Variants in ALK observed in about 807,000 individuals in gnomAD.
ALK encodes ALK receptor tyrosine kinase.
ALK carries 74 observed loss-of-function variants against 163.1 expected under a neutral mutation model. The observed-to-expected ratio is 0.45, with a 90% confidence interval of 0.38 to 0.55. The LOEUF (loss-of-function observed/expected upper bound fraction) is 0.55. ALK is among the 20% of genes least tolerant of loss of function. The pLI is 0.00. For missense variants in ALK, 2,063 were observed against 2,105.3 expected, an observed-to-expected ratio of 0.98 and a Z score of 0.39; for synonymous variants, 960 against 843.2, an observed-to-expected ratio of 1.14 and a Z score of -2.40.
chr2:29,540,578 A>AGTT (rs1673386056), intron 3 of ALK, among the ~76,000 whole-genome samples: 1 of 100,582 alleles, frequency 9.9e-6, no homozygotes, highest in African/African-American at 3.9e-5. Context: ...GAGAAGAATT[A>AGTT]TGTTTTTTTT....
At chr2:29,537,116 C>A (rs1380943103) in intron 3 of ALK, among the ~76,000 whole-genome samples, 3 of 152,204 alleles carry the variant, frequency 2.0e-5, no homozygotes, top group African/African-American at 7.2e-5. Flanking sequence ...AGGAAAAGAA[C>A]TTTTTCAGGG....
chr2:29,292,236 A>T (rs965412916), intron 9 of ALK, among the ~76,000 whole-genome samples: 4 of 152,228 alleles, frequency 2.6e-5, no homozygotes, highest in Non-Finnish European at 4.4e-5. Flanking sequence ...TTGACTGTAC[A>T]ATTGCAGTGA....
At chr2:29,561,627 C>G (rs1674025567) in intron 3 of ALK, among the ~76,000 whole-genome samples, 1 of 152,176 alleles carries the variant, frequency 6.6e-6, no homozygotes, top group African/African-American at 2.4e-5. Context: ...GTGATCTGTG[C>G]TAAAATAATG....
chr2:29,223,608 C>G (rs1669871207), intron 19 of ALK, 80 bp from the exon 20 acceptor site: 2 of 1,426,516 alleles, frequency 1.4e-6, no homozygotes, highest in Non-Finnish European at 9.7e-7. Flanking sequence ...CTACAGGAAG[C>G]CTCCCTGGAT....
Position 29,920,583 on chromosome 2 carries a change from C to T in ALK, c.77G>A (p.Gly26Asp), listed in dbSNP as rs755942639. ...CGCAGCTGGGGAGCCCGCGCGCTGG[C>T]CGGTCCCCATCCCGGAGCCCACAGC... Reference protein sequence around the residue: ...TAAVGSGMGTGQRAGSPAAGP... With the variant: ...TAAVGSGMGTDQRAGSPAAGP... Residue 26 changes from glycine (G) to aspartate (D), a missense_variant, in exon 1 of 29, where the codon GGC becomes GAC. By Grantham distance (94) the Gly-to-Asp change is moderately conservative (BLOSUM62 -1). Coordinates refer to ENST00000389048, the MANE Select transcript of ALK (RefSeq NM_004304.5). The T allele has an allele frequency of 6.3e-7, 1 of 1,579,480 alleles. No homozygotes were observed. The highest frequency in any genetic ancestry group is 1.8e-5 in the Admixed American group (1 of 56,630).
chr2:29,900,943 C>T (rs1196454402), intron 1 of ALK, among the ~76,000 whole-genome samples: 5 of 151,764 alleles, frequency 3.3e-5, no homozygotes, highest in South Asian at 2.1e-4. Context: ...CACAGGCTTC[C>T]AGAAAATCAC....
chr2:29,852,728 G>T (rs73922312), intron 1 of ALK, among the ~76,000 whole-genome samples: 303 of 152,270 alleles, frequency 2.0e-3, no homozygotes, highest in African/African-American at 7.0e-3. Context: ...TCCCCAGTGT[G>T]ATGGTATTTG....
At chr2:29,468,318 C>T (rs937956493) in intron 4 of ALK, among the ~76,000 whole-genome samples, 1 of 152,124 alleles carries the variant, frequency 6.6e-6, no homozygotes, top group Non-Finnish European at 1.5e-5. Flanking sequence ...TGAGCCAATG[C>T]ACCTGGCCAA....
At chr2:29,752,045 T>C (rs535414441) in intron 1 of ALK, among the ~76,000 whole-genome samples, 41 of 152,202 alleles carry the variant, frequency 2.7e-4, no homozygotes, top group Non-Finnish European at 4.4e-4. Context: ...CCTGAGTCTG[T>C]CTGTCATCAA....
chr2:29,851,033 T>C (rs1665976172), intron 1 of ALK, among the ~76,000 whole-genome samples: 1 of 152,244 alleles, frequency 6.6e-6, no homozygotes, highest in Non-Finnish European at 1.5e-5. Context: ...GCCTCCTTCA[T>C]AGTGCCTAGC....
At chr2:29,338,322 C>T (rs1176715683) in intron 5 of ALK, among the ~76,000 whole-genome samples, 2 of 152,180 alleles carry the variant, frequency 1.3e-5, no homozygotes, top group African/African-American at 2.4e-5. Flanking sequence ...ACCTCACCAC[C>T]AGAGTCAGCT....
chr2:29,670,803 C>T (rs1407320888), intron 3 of ALK, among the ~76,000 whole-genome samples: 1 of 151,984 alleles, frequency 6.6e-6, no homozygotes, highest in Non-Finnish European at 1.5e-5. Flanking sequence ...ATGAGTTCTT[C>T]ACTTCAGCAA....
intron 3 of ALK, among the ~76,000 whole-genome samples, chr2:29,590,929 G>A (rs1675035531): frequency 6.6e-6 from 1 of 151,592 alleles, no homozygotes; most frequent in African/African-American, 2.4e-5. Context: ...AAATTAGCCG[G>A]GCGTGTTGGC....
chr2:29,425,265 T>A (rs1031733367), intron 4 of ALK, among the ~76,000 whole-genome samples: 3 of 152,138 alleles, frequency 2.0e-5, no homozygotes, highest in Non-Finnish European at 4.4e-5. Context: ...CGGCTCAATA[T>A]AATGGAAATT....
intron 3 of ALK, among the ~76,000 whole-genome samples, chr2:29,621,733 A>G (rs4556938): frequency 0.61 from 93,409 of 152,124 alleles, 29,929 homozygotes; most frequent in East Asian, 0.74. Context: ...GGTTGAAAGA[A>G]TATCTATCCT....
chr2:29,917,676 G>C (rs2148441313), intron 1 of ALK, among the ~76,000 whole-genome samples: 1 of 152,294 alleles, frequency 6.6e-6, no homozygotes, highest in Admixed American at 6.5e-5. Context: ...TATGTCCTCA[G>C]AGAAAGGAGA....
At chr2:29,748,388 G>C (rs186236618) in intron 1 of ALK, among the ~76,000 whole-genome samples, 17 of 152,260 alleles carry the variant, frequency 1.1e-4, no homozygotes, top group African/African-American at 4.1e-4. Context: ...TATGGCCCTT[G>C]GCAATGCTTC....
At chr2:29,310,284 C>T (rs1666661004) in intron 8 of ALK, among the ~76,000 whole-genome samples, 1 of 152,122 alleles carries the variant, frequency 6.6e-6, no homozygotes, top group Admixed American at 6.5e-5. Flanking sequence ...GTTTCTGTAT[C>T]AATAAATGGG....
chr2:29,773,924 A>C (rs1022249344), intron 1 of ALK, among the ~76,000 whole-genome samples: 3 of 152,224 alleles, frequency 2.0e-5, no homozygotes, highest in South Asian at 4.1e-4. Flanking sequence ...ATTTATCAAA[A>C]TCTTGAGAAA....
Sources: gnomAD v4.1 joint callset for allele counts (sites outside exome capture counted in the v4.1 genomes callset) on GRCh38, gnomAD v4.1.1 for gene constraint, MANE v1.5 for transcripts, NCBI Gene and HGNC (gene_info 2026-07-23, HGNC 2026-07-21) for gene names.